PDZD2: variants seen among roughly 807,000 people sequenced by gnomAD.
PDZD2 encodes the protein PDZ domain-containing protein 2.
A neutral mutation model predicts 220.7 loss-of-function variants in PDZD2; 90 were observed. That is an observed-to-expected ratio of 0.41 (90% CI 0.34 to 0.49). The LOEUF (loss-of-function observed/expected upper bound fraction) is 0.49. Among genes scored for constraint, PDZD2 ranks in the 20% least tolerant of loss-of-function variants. The pLI is 0.28. For missense variants in PDZD2, 3,174 were observed against 3,608.5 expected (o/e 0.88, Z 3.08); for synonymous variants, 1,375 against 1,450.5 (o/e 0.95, Z 1.18).
intron 6 of PDZD2, among the ~76,000 whole-genome samples, chr5:32,024,329 G>A (rs893657343): frequency 6.6e-6 from 1 of 152,182 alleles, no homozygotes; most frequent in Non-Finnish European, 1.5e-5. Context: ...GTGCATAAGC[G>A]CTTAGCTAAG....
rs576078441 is a variant in PDZD2 at position 31,822,974 on chromosome 5, G to A, written c.476+23250G>A. ...TTACCCCACCATTTGTCAACCCGGGGCCTCTTTTTTTTCTTTCCGAGAAGA... is the reference window on the plus strand; with the variant it reads ...TTACCCCACCATTTGTCAACCCGGGACCTCTTTTTTTTCTTTCCGAGAAGA... On this transcript the variant is annotated intron_variant, in intron 2 of 24. Coordinates refer to ENST00000438447, the MANE Select transcript of PDZD2 (RefSeq NM_178140.4). 409 of 1,140,738 alleles carry A rather than the reference G, an allele frequency of 3.6e-4. 1 individual carries two copies. Among genetic ancestry groups the A allele is most frequent in the Non-Finnish European group, 9.9e-5 (78 of 790,488 alleles). 70.7% of individuals were successfully genotyped at this position (1,140,738 alleles called of 1,614,324 possible). A position where few individuals can be genotyped will look rare whatever the true frequency, so the allele number is the denominator to read the frequency against.
Position 32,010,452 on chromosome 5 carries a change from C to T in PDZD2, c.1377C>T (p.Asp459=), listed in dbSNP as rs749089529. The T allele has an allele frequency of 2.0e-5, 32 of 1,612,140 alleles. No individual in the cohort carries two copies. The South Asian group carries it at 2.6e-4, about 13-fold the overall frequency. The change falls in exon 6 of 25, where the codon GAC becomes GAT. Residue 459 remains aspartate (D), a synonymous_variant. Transcript: ENST00000438447. ...NEDQEADGEE[D]EGTSSSVQRA... is the part of the protein sequence containing the mutation. ...ACCAGGAGGCAGACGGGGAAGAGGA[C>T]GAAGGAACCAGCTCTTCTGTCCAGA...
chr5:31,974,914 A>G (rs144593280), intron 2 of PDZD2, among the ~76,000 whole-genome samples: 3,011 of 152,286 alleles, frequency 0.02, 101 homozygotes, highest in African/African-American at 0.068. Context: ...GTGTCTCAGA[A>G]ACAAACAATA....
intron 1 of PDZD2, among the ~76,000 whole-genome samples, chr5:31,690,861 C>T (rs1274533909): frequency 6.6e-6 from 1 of 152,200 alleles, no homozygotes; most frequent in African/African-American, 2.4e-5. Flanking sequence ...CACTGTCCAG[C>T]CCACTACACT....
chr5:31,993,820 T>C (rs1751421677), intron 3 of PDZD2, among the ~76,000 whole-genome samples: 1 of 152,044 alleles, frequency 6.6e-6, no homozygotes, highest in Non-Finnish European at 1.5e-5. Context: ...CCAAAGTAAA[T>C]CACTTTGGAA....
At chr5:32,071,147 C>A (rs546252462) in intron 15 of PDZD2, among the ~76,000 whole-genome samples, 5 of 152,184 alleles carry the variant, frequency 3.3e-5, no homozygotes, top group Non-Finnish European at 7.3e-5. Context: ...CTGGGATCAT[C>A]ATGCAGGTAG....
chr5:32,009,873 C>T (rs1309551942), intron 5 of PDZD2, among the ~76,000 whole-genome samples: 2 of 152,102 alleles, frequency 1.3e-5, no homozygotes, highest in Non-Finnish European at 2.9e-5. Flanking sequence ...AGGTAGATCA[C>T]TTGAGGTCAG....
At chr5:31,826,222 G>A (rs1044973874) in intron 2 of PDZD2, among the ~76,000 whole-genome samples, 1 of 152,138 alleles carries the variant, frequency 6.6e-6, no homozygotes, top group African/African-American at 2.4e-5. Flanking sequence ...GGCTGCTAGG[G>A]AGTGGGAGCT....
chr5:31,722,022 C>T lies in PDZD2; in HGVS notation c.-360-76867C>T, dbSNP rs117205120. ...TATCCATCAGCAAGCCCTGTCTGCT[C>T]GAGCTCAACATCATCTTGAATGTCT... is the stretch of plus-strand genomic sequence containing the variant. On this transcript the variant is annotated intron_variant, in intron 1 of 24. Transcript: ENST00000438447. Among the ~76,000 whole-genome samples the T allele has an allele frequency of 2.2e-3, 342 of 152,226 alleles. 10 individuals carry two copies. In the East Asian group the frequency reaches 0.06, roughly 27 times the overall value.
intron 2 of PDZD2, 99 bp downstream of exon 2, chr5:31,799,823 A>C: frequency 1.3e-6 from 1 of 759,152 alleles, no homozygotes; most frequent in Non-Finnish European, 2.3e-6. Context: ...TGCCAATAAG[A>C]AGCTGATGGC....
intron 2 of PDZD2, chr5:31,848,098 G>T: frequency 3.1e-6 from 1 of 322,958 alleles, no homozygotes; most frequent in East Asian, 7.2e-5. Context: ...AGAAAGATCA[G>T]GTAGCTCAAA....
chr5:32,046,888 A>C (rs1043951394), intron 7 of PDZD2, among the ~76,000 whole-genome samples: 2 of 151,914 alleles, frequency 1.3e-5, no homozygotes, highest in African/African-American at 2.4e-5. Flanking sequence ...ACTAAAAATA[A>C]AAAAATTAGC....
At chr5:31,746,087 AAGTC>A (rs56901410) in intron 1 of PDZD2, among the ~76,000 whole-genome samples, 8,152 of 152,224 alleles carry the variant, frequency 0.054, 237 homozygotes, top group Middle Eastern at 0.16. Flanking sequence ...GTCTGATTGG[AAGTC>A]AGAGACTGTT....
At position 32,069,718 on chromosome 5, in the gene PDZD2, C is replaced by T; in HGVS notation, c.2533+68C>T. 6 of 801,304 alleles carry T rather than the reference C, an allele frequency of 7.5e-6. No individual in the cohort carries two copies. In the Middle Eastern group the frequency reaches 1.1e-3, roughly 148 times the overall value. 49.6% of individuals were successfully genotyped at this position (801,304 alleles called of 1,614,324 possible). ...CTCATTAAGTTCACCCACAGGCACTCCCCAGTGCAGTATTATTGGATTCTT... is the reference window on the plus strand; with the variant it reads ...CTCATTAAGTTCACCCACAGGCACTTCCCAGTGCAGTATTATTGGATTCTT... On this transcript the variant is annotated intron_variant, in intron 15 of 24. Transcript: ENST00000438447.
intron 1 of PDZD2, among the ~76,000 whole-genome samples, chr5:31,641,978 C>T (rs1744965897): frequency 6.6e-6 from 1 of 152,130 alleles, no homozygotes; most frequent in Admixed American, 6.5e-5. Flanking sequence ...GCTGATCATA[C>T]TGTAGGGTGT....
intron 19 of PDZD2, among the ~76,000 whole-genome samples, chr5:32,084,948 CTTTTTTT>C (rs745430355): frequency 0.01 from 984 of 94,446 alleles, 10 homozygotes; most frequent in Middle Eastern, 0.053. Flanking sequence ...ATTCTGTTGC[CTTTTTTT>C]TTTTTTTTTT....
At chr5:32,020,277 A>G (rs1037163376) in intron 6 of PDZD2, among the ~76,000 whole-genome samples, 4 of 152,198 alleles carry the variant, frequency 2.6e-5, no homozygotes, top group African/African-American at 9.7e-5. Context: ...TGCTGGGATT[A>G]CAGGCGTGAG....
At chr5:31,721,813 G>C (rs1748817477) in intron 1 of PDZD2, among the ~76,000 whole-genome samples, 1 of 151,752 alleles carries the variant, frequency 6.6e-6, no homozygotes, top group African/African-American at 2.4e-5. Flanking sequence ...ATAATGAGGA[G>C]GCTGAGAATG....
At chr5:31,948,300 C>T (rs1453732632) in intron 2 of PDZD2, among the ~76,000 whole-genome samples, 2 of 152,142 alleles carry the variant, frequency 1.3e-5, no homozygotes, top group Non-Finnish European at 2.9e-5. Context: ...GGGGCGAGGG[C>T]TGTCTTTGAT....
Sources: allele counts gnomAD v4.1 joint callset (sites outside exome capture counted in the v4.1 genomes callset), GRCh38; gene constraint gnomAD v4.1.1; transcripts MANE v1.5; gene names NCBI Gene and HGNC (gene_info 2026-07-23, HGNC 2026-07-21).